The following CSMD1 variants were observed in gnomAD, a reference collection of about 807,000 sequenced individuals.
The protein encoded by CSMD1 is CUB and sushi domain-containing protein 1.
A neutral mutation model predicts 417.5 loss-of-function variants in CSMD1; 213 were observed. That is an observed-to-expected ratio of 0.51 (90% confidence interval 0.46 to 0.57). CSMD1 has a LOEUF of 0.57. Among genes scored for constraint, CSMD1 ranks in the 20% least tolerant of loss-of-function variants. CSMD1 has a pLI of 0.00. For missense variants in CSMD1, 6,923 were observed against 4,529.7 expected (o/e 1.53, Z -15.17); for synonymous variants, 2,862 against 1,736.8 (o/e 1.65, Z -16.11).
At chr8:3,832,476 C>G (rs1397397917) in intron 5 of CSMD1, among the ~76,000 whole-genome samples, 5 of 152,040 alleles carry the variant, frequency 3.3e-5, no homozygotes, top group Non-Finnish European at 4.4e-5. Flanking sequence ...GTTTCTTGTT[C>G]TAAATGTGTA....
chr8:4,637,798 G>C (rs1161456535), intron 1 of CSMD1, among the ~76,000 whole-genome samples: 3 of 151,842 alleles, frequency 2.0e-5, no homozygotes, highest in South Asian at 4.2e-4. Context: ...AGCCTCCCGA[G>C]TAGGTGGGAC....
chr8:4,169,880 T>C (rs1388615596), intron 3 of CSMD1, among the ~76,000 whole-genome samples: 1 of 149,738 alleles, frequency 6.7e-6, no homozygotes, highest in Non-Finnish European at 1.5e-5. Context: ...TGTAATTTAC[T>C]TCTGTTTTCT....
intron 3 of CSMD1, among the ~76,000 whole-genome samples, chr8:4,168,158 C>G (rs1055500927): frequency 1.3e-5 from 2 of 151,002 alleles, no homozygotes; most frequent in Non-Finnish European, 3.0e-5. Flanking sequence ...CACACACACA[C>G]ACACACACAC....
chr8:3,318,264 G>A (rs1718028631), intron 23 of CSMD1, among the ~76,000 whole-genome samples: 1 of 151,936 alleles, frequency 6.6e-6, no homozygotes, highest in African/African-American at 2.4e-5. Context: ...TTTTTTAATA[G>A]GTGTTAAAAT....
At chr8:3,985,404 CTCTTG>C (rs1279203997) in intron 5 of CSMD1, among the ~76,000 whole-genome samples, 2 of 152,074 alleles carry the variant, frequency 1.3e-5, no homozygotes, top group Admixed American at 6.5e-5. Flanking sequence ...TACATCTACC[CTCTTG>C]TCTAGTCTTA....
At chr8:3,092,535 C>T (rs1185289360) in intron 47 of CSMD1, among the ~76,000 whole-genome samples, 1 of 152,282 alleles carries the variant, frequency 6.6e-6, no homozygotes, top group East Asian at 1.9e-4. Flanking sequence ...TACCTGTACA[C>T]ATTGCTTCTT....
chr8:3,036,973 CCTAT>C (rs1319734029), intron 50 of CSMD1, among the ~76,000 whole-genome samples: 2 of 152,138 alleles, frequency 1.3e-5, no homozygotes, highest in African/African-American at 2.4e-5. Context: ...CACCCATCTT[CCTAT>C]CTATCATCCC....
chr8:3,408,930 C>A (rs1162036276), intron 13 of CSMD1, among the ~76,000 whole-genome samples: 1 of 152,156 alleles, frequency 6.6e-6, no homozygotes, highest in African/African-American at 2.4e-5. Context: ...AAAAAAACCT[C>A]TCCTTTAAAA....
intron 15 of CSMD1, among the ~76,000 whole-genome samples, chr8:3,401,314 TTTAG>T (rs1812026061): frequency 6.6e-6 from 1 of 152,130 alleles, no homozygotes. Flanking sequence ...TTTCCTTTAC[TTTAG>T]TAATTTTATT....
intron 2 of CSMD1, among the ~76,000 whole-genome samples, chr8:4,498,205 G>A (rs934970858): frequency 1.6e-4 from 25 of 152,232 alleles, no homozygotes; most frequent in African/African-American, 4.8e-4. Context: ...CTTAGCAGAC[G>A]GGGTTGAACG....
At chr8:3,564,770 G>A (rs1799627486) in intron 10 of CSMD1, among the ~76,000 whole-genome samples, 2 of 151,826 alleles carry the variant, frequency 1.3e-5, no homozygotes, top group African/African-American at 4.8e-5. Context: ...AACCACAATC[G>A]ATCTTGAAAG....
chr8:3,569,008 G>C lies in CSMD1; in HGVS notation c.1344+5937C>G, dbSNP rs796323446. On this transcript the variant is annotated intron_variant, in intron 10 of 69. Coordinates refer to ENST00000635120, the MANE Select transcript of CSMD1 (RefSeq NM_033225.6). The stretch of plus-strand genomic sequence containing the variant: ...ATTCTGATTGCAGGACTCATCAAGA[G>C]TTCTGAAAATAGCTGGATTGTCAAA... 3.9e-5 allele frequency among the ~76,000 whole-genome samples: 6 copies of C among 152,172 alleles called. No individual in the cohort carries two copies. In the South Asian group the frequency reaches 1.0e-3, roughly 26 times the overall value.
intron 3 of CSMD1, among the ~76,000 whole-genome samples, chr8:4,303,005 C>CA (rs1439154106): frequency 2.6e-5 from 4 of 151,874 alleles, no homozygotes; most frequent in East Asian, 1.9e-4. Context: ...ACACAAAATC[C>CA]AAGAAAATCA....
chr8:3,530,301 A>G (rs1442733471), intron 10 of CSMD1, among the ~76,000 whole-genome samples: 1 of 152,142 alleles, frequency 6.6e-6, no homozygotes, highest in African/African-American at 2.4e-5. Context: ...ACAGCTACAA[A>G]TGTCCCTCTT....
chr8:3,740,810 G>C (rs1796762734), intron 6 of CSMD1, among the ~76,000 whole-genome samples: 1 of 152,198 alleles, frequency 6.6e-6, no homozygotes, highest in African/African-American at 2.4e-5. Flanking sequence ...CATCAGCTTA[G>C]GGAGGCTATG....
chr8:4,650,004 G>A (rs964738742), intron 1 of CSMD1, among the ~76,000 whole-genome samples: 4 of 152,128 alleles, frequency 2.6e-5, no homozygotes, highest in Admixed American at 6.5e-5. Flanking sequence ...TCGAGAACTT[G>A]ATTGATATTA....
intron 3 of CSMD1, among the ~76,000 whole-genome samples, chr8:4,300,658 A>G (rs1797933973): frequency 1.3e-5 from 2 of 152,062 alleles, no homozygotes; most frequent in Admixed American, 6.6e-5. Flanking sequence ...AGCATTAGGT[A>G]TATCTCCTAA....
chr8:4,580,826 A>C (rs1457761175), intron 2 of CSMD1, among the ~76,000 whole-genome samples: 1 of 152,214 alleles, frequency 6.6e-6, no homozygotes, highest in Non-Finnish European at 1.5e-5. Context: ...TGTATCTTGT[A>C]CATACTGCCC....
chr8:4,195,077 G>C (rs1368078920), intron 3 of CSMD1, among the ~76,000 whole-genome samples: 1 of 152,156 alleles, frequency 6.6e-6, no homozygotes, highest in African/African-American at 2.4e-5. Flanking sequence ...GTTACGCCTA[G>C]AATTCTGCCC....
Sources: gnomAD v4.1 joint callset for allele counts (sites outside exome capture counted in the v4.1 genomes callset) on GRCh38, gnomAD v4.1.1 for gene constraint, MANE v1.5 for transcripts, NCBI Gene and HGNC (gene_info 2026-07-23, HGNC 2026-07-21) for gene names.